Variants in LPIN2 observed in about 807,000 individuals in gnomAD.
LPIN2 encodes phosphatidate phosphatase LPIN2.
A neutral mutation model predicts 111.4 loss-of-function variants in LPIN2; 55 were observed. The ratio of observed to expected loss-of-function variants is 0.49; its 90% CI spans 0.40 to 0.62. The LOEUF (loss-of-function observed/expected upper bound fraction) is 0.62. Ranked by LOEUF, LPIN2 falls within the 20% of genes least tolerant of loss-of-function variation. The pLI, the probability that LPIN2 is intolerant of heterozygous loss-of-function variation, is 0.00. For synonymous variants in LPIN2, 425 were observed against 414.0 expected, an observed-to-expected ratio of 1.03 and a Z score of -0.32; for missense variants, 992 against 1,112.1, an observed-to-expected ratio of 0.89 and a Z score of 1.54.
At chr18:2,985,156 G>A (rs1467316968) in intron 1 of LPIN2, 1 of 152,188 alleles carries the variant, frequency 6.6e-6, no homozygotes, top group Non-Finnish European at 1.5e-5. Flanking sequence ...AAACATCTGT[G>A]TTGCCAACAG....
At chr18:2,975,350 T>C (rs896035616) in intron 1 of LPIN2, among the ~76,000 whole-genome samples, 2 of 152,212 alleles carry the variant, frequency 1.3e-5, no homozygotes, top group African/African-American at 2.4e-5. Context: ...AGCCTTTTTT[T>C]TGAGATGGAG....
intron 1 of LPIN2, among the ~76,000 whole-genome samples, chr18:3,000,028 TTG>T (rs1296709465): frequency 7.2e-3 from 169 of 23,420 alleles, no homozygotes; most frequent in African/African-American, 9.5e-3. Context: ...TATCTCTGTT[TTG>T]TTTTTTTTTT....
intron 1 of LPIN2, among the ~76,000 whole-genome samples, chr18:2,975,103 A>G (rs757991458): frequency 3.3e-5 from 5 of 152,224 alleles, no homozygotes; most frequent in Admixed American, 6.5e-5. Flanking sequence ...CATTGTACTA[A>G]TAAGAAAACT....
intron 1 of LPIN2, among the ~76,000 whole-genome samples, chr18:2,964,056 C>G (rs1470080866): frequency 2.0e-5 from 3 of 151,536 alleles, no homozygotes. Context: ...CTGAGGCAAG[C>G]AGATCACTTG....
intron 1 of LPIN2, among the ~76,000 whole-genome samples, chr18:2,994,760 A>C (rs567513485): frequency 6.6e-6 from 1 of 152,254 alleles, no homozygotes; most frequent in Admixed American, 6.5e-5. Flanking sequence ...GGTGACAGCC[A>C]AAAAAATGTC....
At chr18:2,946,765 G>A (rs118124724) in intron 4 of LPIN2, 5,768 of 507,108 alleles carry the variant, frequency 0.011, 50 homozygotes, top group Non-Finnish European at 0.017. Flanking sequence ...AAGTGGGGCT[G>A]CTAACCACCA....
intron 1 of LPIN2, among the ~76,000 whole-genome samples, chr18:2,970,594 T>A (rs546623590): frequency 6.6e-6 from 1 of 152,308 alleles, no homozygotes; most frequent in East Asian, 1.9e-4. Context: ...AGGACTTAAA[T>A]CAGACAGGCT....
intron 1 of LPIN2, among the ~76,000 whole-genome samples, chr18:2,987,344 G>C (rs1280389629): frequency 1.3e-5 from 2 of 152,194 alleles, no homozygotes; most frequent in African/African-American, 4.8e-5. Context: ...AGATCAAAAA[G>C]TGAGATAGCT....
intron 18 of LPIN2, 37 bp from the exon 19 acceptor site, chr18:2,920,918 GGAGAATTCAGGA>G (rs2077044297): frequency 7.7e-7 from 1 of 1,305,868 alleles, no homozygotes; most frequent in South Asian, 1.2e-5. Context: ...ATTCCAGGGA[GGAGAATTCAGGA>G]GATACTTCTC....
intron 1 of LPIN2, chr18:2,983,019 G>C: frequency 3.3e-6 from 1 of 300,030 alleles, no homozygotes; most frequent in South Asian, 2.9e-5. Flanking sequence ...TGTGCCATGT[G>C]TTTACACTGA....
intron 2 of LPIN2, among the ~76,000 whole-genome samples, chr18:2,958,163 A>AAC (rs2077648090): frequency 7.0e-6 from 1 of 142,664 alleles, no homozygotes; most frequent in Non-Finnish European, 1.6e-5. Context: ...AAAAACAACA[A>AAC]AAAAAAAAAA....
At chr18:2,934,294 T>A in intron 8 of LPIN2, 57 bp downstream of exon 8, 1 of 1,232,234 alleles carries the variant, frequency 8.1e-7, no homozygotes, top group African/African-American at 1.5e-5. Flanking sequence ...AATGTTTTAC[T>A]CTAGAAATAA....
intron 8 of LPIN2, among the ~76,000 whole-genome samples, chr18:2,932,513 T>C (rs1038032118): frequency 2.6e-5 from 4 of 152,310 alleles, no homozygotes; most frequent in South Asian, 2.1e-4. Context: ...ACCCACAAAA[T>C]TGAGATTAAC....
At chr18:2,946,268 G>A in intron 4 of LPIN2, 1 of 1,543,598 alleles carries the variant, frequency 6.5e-7, no homozygotes, top group Non-Finnish European at 9.0e-7. Flanking sequence ...CTGAAATTTT[G>A]GTTTTAATTC....
At chr18:2,955,894 A>G (rs2143151519) in intron 2 of LPIN2, among the ~76,000 whole-genome samples, 1 of 152,310 alleles carries the variant, frequency 6.6e-6, no homozygotes, top group South Asian at 2.1e-4. Context: ...CAGCCTGGGC[A>G]ACAAAAGCGA....
rs2077029704 is a variant in LPIN2, at chr18:2,920,094, TCTC to T, written c.*196_*198del. On this transcript the variant is annotated 3_prime_UTR_variant, in exon 20 of 20. Transcript: ENST00000677752. The stretch of plus-strand genomic sequence containing the variant: ...CCAGCCCCAGGCCCAGTTCCTCCCT[TCTC>T]CTTCCAGGAGCTGAGCTGCAGACCT... 9.0e-6 allele frequency: 6 copies of T among 665,742 alleles called. No individual in the cohort carries two copies. Among genetic ancestry groups the T allele is most frequent in the East Asian group, 5.5e-5 (2 of 36,252 alleles). The allele number at this position is 665,742 out of a possible 1,614,324, so 41.2% of individuals were successfully genotyped here.
chr18:2,982,537 T>A (rs2078127029), intron 1 of LPIN2: 1 of 329,922 alleles, frequency 3.0e-6, no homozygotes, highest in African/African-American at 2.2e-5. Flanking sequence ...TAAAATTCAC[T>A]ACAACATTAC....
Position 2,939,337 on chromosome 18 carries a change from G to C in LPIN2, c.822+143C>G, listed in dbSNP as rs1049768623. ...AAATGTTACAAAAAATGTTAACTTT[G>C]AATTTACTTTTATGACATGAGGGCA... On this transcript the variant is annotated intron_variant, in intron 6 of 19. Coordinates refer to ENST00000677752, the MANE Select transcript of LPIN2 (RefSeq NM_001375808.2). 5.2e-6 allele frequency: 5 copies of C among 960,144 alleles called. No individual in the cohort carries two copies. The South Asian group carries it at 6.8e-5, about 13-fold the overall frequency. 59.5% of individuals were successfully genotyped at this position (960,144 alleles called of 1,614,324 possible).
intron 1 of LPIN2, among the ~76,000 whole-genome samples, chr18:3,008,936 T>A (rs938684771): frequency 8.8e-5 from 13 of 148,364 alleles, no homozygotes; most frequent in Admixed American, 4.8e-4. Flanking sequence ...CAGGCTGGTC[T>A]CAAACTCCAG....
Sources: allele counts gnomAD v4.1 joint callset (sites outside exome capture counted in the v4.1 genomes callset), GRCh38; gene constraint gnomAD v4.1.1; transcripts MANE v1.5; gene names NCBI Gene and HGNC (gene_info 2026-07-23, HGNC 2026-07-21).